TM7SF2: variants seen among roughly 807,000 people sequenced by gnomAD.
The protein encoded by TM7SF2 is transmembrane 7 superfamily member 2, also known as delta(14)-sterol reductase TM7SF2.
Under a neutral mutation model 51.0 loss-of-function variants are expected in TM7SF2, and 51 were observed. The observed-to-expected ratio is 1.00, with a 90% CI of 0.80 to 1.26. The LOEUF is 1.26. Ranked by LOEUF, TM7SF2 falls within the 50% of genes most tolerant of loss-of-function variation. The pLI is 0.00. For missense variants in TM7SF2, 541 were observed against 547.4 expected (o/e 0.99, Z 0.12); for synonymous variants, 255 against 241.0 (o/e 1.06, Z -0.54).
At position 65,113,395 on chromosome 11, in the gene TM7SF2, G is replaced by T. The variant is rs1490963723; in HGVS notation, c.480G>T (p.Leu160=). 6.2e-7 allele frequency: 1 copy of T among 1,614,076 alleles called. No individual in the cohort carries two copies. Among genetic ancestry groups the T allele is most frequent in the African/African-American group, 1.3e-5 (1 of 74,944 alleles). The change falls in exon 4 of 10, where the codon CTG becomes CTT. Residue 160 remains leucine, a synonymous_variant. Coordinates refer to ENST00000279263, the MANE Select transcript of TM7SF2 (RefSeq NM_003273.6). The part of the protein sequence containing the change: ...MKAQVAPVSA[L]APGGNSGNPI... ...CGCAGGTAGCCCCAGTTTCGGCCCT[G>T]GCACCTGGGGGGAACTCAGGTGAGA...
chr11:65,112,263 G>C, intron 1 of TM7SF2, 196 bp downstream of exon 1: 1 of 662,372 alleles, frequency 1.5e-6, no homozygotes, highest in Non-Finnish European at 2.5e-6. Flanking sequence ...GCTGCAGAAC[G>C]GGGATTTATG....
rs1947958927 is a variant in TM7SF2 at position 65,115,036 on chromosome 11, C to T, written c.847C>T (p.Gln283Ter). The change falls in exon 7 of 10, where the codon CAG (glutamine) becomes TAG (stop). Residue 283 changes from glutamine to a stop codon, truncating the protein, a stop_gained. Transcript: ENST00000279263. LOFTEE classifies it high-confidence loss of function. ...LQAQFLLHHPQPLGLPMASVI... is the reference protein window; with the variant it reads ...LQAQFLLHHP ...GGCCCAGTTCCTGCTGCACCACCCG[C>T]AGCCCCTGGGGTTGCCCATGGCCTC... 3.7e-6 allele frequency: 6 copies of T among 1,614,112 alleles called. No homozygotes were observed. Among genetic ancestry groups the T allele is most frequent in the Non-Finnish European group, 5.1e-6 (6 of 1,180,042 alleles).
At chr11:65,115,727 G>A (rs752527409) in intron 9 of TM7SF2, 129 bp downstream of exon 9, 7 of 1,573,002 alleles carry the variant, frequency 4.5e-6, no homozygotes, top group Non-Finnish European at 4.4e-6. Context: ...CCAGTGTGTG[G>A]CTGGGGCACA....
intron 1 of TM7SF2, 84 bp from the exon 2 acceptor site, chr11:65,112,431 G>C: frequency 7.3e-7 from 1 of 1,376,966 alleles, no homozygotes; most frequent in Admixed American, 2.9e-5. Flanking sequence ...AGAGGGTCCC[G>C]CAGAGACGTC....
intron 3 of TM7SF2, 95 bp downstream of exon 3, chr11:65,112,960 A>C: frequency 6.9e-7 from 1 of 1,450,046 alleles, no homozygotes; most frequent in Non-Finnish European, 9.4e-7. Context: ...CCCCCACCCC[A>C]GGCTCCTTTG....
At position 65,112,793 on chromosome 11, in the gene TM7SF2, G is replaced by GC. The variant is rs1947925942; in HGVS notation, c.250-13dup. Reference sequence around the variant, plus strand: ...AAAGGACGCCCCGGGCCTTATCAGAGCCCCCTTGGACCCGCAGGTGGCCGA... The same window carrying GC: ...AAAGGACGCCCCGGGCCTTATCAGAGCCCCCCTTGGACCCGCAGGTGGCCGA... On this transcript the variant is annotated splice_polypyrimidine_tract_variant and intron_variant, in intron 2 of 9. Coordinates refer to ENST00000279263, the MANE Select transcript of TM7SF2 (RefSeq NM_003273.6). The GC allele has an allele frequency of 6.5e-7, 1 of 1,550,336 alleles. No homozygotes were observed. The highest frequency in any genetic ancestry group is 8.7e-7 in the Non-Finnish European group (1 of 1,146,904).
chr11:65,112,667 T>G lies in TM7SF2; in HGVS notation c.205T>G (p.Trp69Gly). Residue 69 changes from tryptophan (W) to glycine (G), a missense_variant, in exon 2 of 10, where the codon TGG becomes GGG. Coordinates refer to ENST00000279263, the MANE Select transcript of TM7SF2 (RefSeq NM_003273.6). ...ACGGGCGCTGCTGCTGTGGCTCGCCTGGCTCGGCCTGCAGGCGGCGCTCTA... is the reference window on the plus strand; with the variant it reads ...ACGGGCGCTGCTGCTGTGGCTCGCCGGGCTCGGCCTGCAGGCGGCGCTCTA... ...SPRALLLWLA[W>G]LGLQAALYLL... 1 of 1,531,990 alleles carries G rather than the reference T, an allele frequency of 6.5e-7. No homozygotes were observed. Among genetic ancestry groups the G allele is most frequent in the Non-Finnish European group, 8.8e-7 (1 of 1,141,934 alleles). 94.9% of individuals were successfully genotyped at this position (1,531,990 alleles called of 1,614,324 possible). A position where few individuals can be genotyped will look rare whatever the true frequency, so the allele number is the denominator to read the frequency against.
At position 65,113,215 on chromosome 11, in the gene TM7SF2, T is replaced by C; in HGVS notation, c.305-5T>C. The C allele has an allele frequency of 6.3e-7, 1 of 1,593,554 alleles. No homozygotes were observed. The highest frequency in any genetic ancestry group is 2.2e-5 in the East Asian group (1 of 44,780). ...CCCCAGGGCTCACTGTGCGCTGTGG[T>C]TCAGGCTTCCAGGCCCTGGTGCTGA... On this transcript the variant is annotated splice_region_variant and splice_polypyrimidine_tract_variant and intron_variant, in intron 3 of 9. Coordinates refer to ENST00000279263, the MANE Select transcript of TM7SF2 (RefSeq NM_003273.6).
chr11:65,112,642 A>G lies in TM7SF2; in HGVS notation c.180A>G (p.Pro60=), dbSNP rs1020179938. 6 of 1,536,674 alleles carry G rather than the reference A, an allele frequency of 3.9e-6. No individual in the cohort carries two copies. The African/African-American group carries it at 5.5e-5, about 14-fold the overall frequency. ...SLPGLEVLWS[P]RALLLWLAWL... ...CGGGGCTGGAGGTGCTGTGGAGCCC[A>G]CGGGCGCTGCTGCTGTGGCTCGCCT... The change falls in exon 2 of 10, where the codon CCA becomes CCG. Residue 60 remains proline (P), a synonymous_variant. Coordinates refer to ENST00000279263, the MANE Select transcript of TM7SF2 (RefSeq NM_003273.6).
Position 65,112,009 on chromosome 11 carries a change from G to A in TM7SF2, c.-7G>A. 6.3e-7 allele frequency: 1 copy of A among 1,583,724 alleles called. No homozygotes were observed. Among genetic ancestry groups the A allele is most frequent in the Non-Finnish European group, 8.6e-7 (1 of 1,165,916 alleles). The stretch of plus-strand genomic sequence containing the variant: ...GAGCGCCCTCTCTCTCCGGCGGAGC[G>A]GAGACCATGGCCCCCACTCAGGGCC... On this transcript the variant is annotated 5_prime_UTR_variant, in exon 1 of 10. Transcript: ENST00000279263.
rs559864805 is a variant in TM7SF2, at chr11:65,115,139, GCT to G, written c.892+61_892+62del. ...TCTTCCCCCTATCCCTTTGATTCAT[GCT>G]CTGTTTACACGCACCACCACATAGG... On this transcript the variant is annotated intron_variant, in intron 7 of 9. Coordinates refer to ENST00000279263, the MANE Select transcript of TM7SF2 (RefSeq NM_003273.6). 7.4e-4 allele frequency: 1,191 copies of G among 1,602,346 alleles called. 4 individuals are homozygous for G. Among genetic ancestry groups the G allele is most frequent in the Non-Finnish European group, 7.6e-4 (887 of 1,173,998 alleles).
chr11:65,114,238 A>G (rs1947947852), intron 5 of TM7SF2, among the ~76,000 whole-genome samples: 1 of 152,222 alleles, frequency 6.6e-6, no homozygotes, highest in African/African-American at 2.4e-5. Context: ...GAAGATTAGA[A>G]GAGGTAATCT....
intron 5 of TM7SF2, among the ~76,000 whole-genome samples, chr11:65,114,284 G>A (rs918438763): frequency 6.9e-5 from 10 of 145,694 alleles, no homozygotes; most frequent in African/African-American, 1.3e-4. Flanking sequence ...AAATGCAGGC[G>A]CCCAGCACAG....
At chr11:65,115,754 G>C in intron 9 of TM7SF2, 139 bp from the exon 10 acceptor site, 1 of 1,565,518 alleles carries the variant, frequency 6.4e-7, no homozygotes, top group African/African-American at 1.3e-5. Context: ...TGCCAACCTA[G>C]TACCGTGTGC....
At position 65,114,784 on chromosome 11, in the gene TM7SF2, G is replaced by A; in HGVS notation, c.675G>A (p.Leu225=). Residue 225 remains leucine, a synonymous_variant, in exon 6 of 10, where the codon CTG becomes CTA. Coordinates refer to ENST00000279263, the MANE Select transcript of TM7SF2 (RefSeq NM_003273.6). ...GCAGTCCCTCACTGGCCATGTGGCTGGTCAATGGCTTCCAGTTGCTCTACG... is the reference window on the plus strand; with the variant it reads ...GCAGTCCCTCACTGGCCATGTGGCTAGTCAATGGCTTCCAGTTGCTCTACG... ...LRGSPSLAMW[L]VNGFQLLYVG... 6.2e-7 allele frequency: 1 copy of A among 1,614,254 alleles called. No homozygotes were observed. The highest frequency in any genetic ancestry group is 8.5e-7 in the Non-Finnish European group (1 of 1,180,044).
intron 2 of TM7SF2, 49 bp downstream of exon 2, chr11:65,112,760 G>C (rs1448735584): frequency 3.2e-6 from 5 of 1,549,390 alleles, no homozygotes; most frequent in Non-Finnish European, 4.4e-6. Context: ...GAATGGGCTC[G>C]GCGAGGGAAA....
At position 65,115,007 on chromosome 11, in the gene TM7SF2, T is replaced by C; in HGVS notation, c.818T>C (p.Leu273Pro). Residue 273 changes from leucine (L) to proline (P), a missense_variant, in exon 7 of 10, where the codon CTG becomes CCG. Coordinates refer to ENST00000279263, the MANE Select transcript of TM7SF2 (RefSeq NM_003273.6). ...DMAWVPFTYSLQAQFLLHHPQ... is the reference protein window; with the variant it reads ...DMAWVPFTYSPQAQFLLHHPQ... ...GCCTGGGTGCCCTTCACCTACAGCCTGCAGGCCCAGTTCCTGCTGCACCAC... is the reference window on the plus strand; with the variant it reads ...GCCTGGGTGCCCTTCACCTACAGCCCGCAGGCCCAGTTCCTGCTGCACCAC... 2 of 1,614,190 alleles carry C rather than the reference T, an allele frequency of 1.2e-6. No homozygotes were observed. The highest frequency in any genetic ancestry group is 1.7e-6 in the Non-Finnish European group (2 of 1,180,030).
rs948814150 is a variant in TM7SF2, at chr11:65,115,333, C to T, written c.912C>T (p.Phe304=). 6.2e-7 allele frequency: 1 copy of T among 1,614,170 alleles called. No individual in the cohort carries two copies. Among genetic ancestry groups the T allele is most frequent in the Non-Finnish European group, 8.5e-7 (1 of 1,180,032 alleles). Residue 304 remains phenylalanine, a synonymous_variant, in exon 8 of 10, where the codon TTC becomes TTT. Transcript: ENST00000279263. ...CLINATGYYI[F]RGANSQKNTF... is the part of the protein sequence containing the mutation. ...CACCAGCTACTGGTTACTACATCTT[C>T]CGTGGGGCGAATTCCCAGAAAAACA...
At chr11:65,115,771 G>T in intron 9 of TM7SF2, 122 bp from the exon 10 acceptor site, 1 of 1,575,936 alleles carries the variant, frequency 6.3e-7, no homozygotes, top group Non-Finnish European at 8.7e-7. Flanking sequence ...GTGCTTTGCT[G>T]CAGACCCTGG....
Sources: allele counts gnomAD v4.1 joint callset (sites outside exome capture counted in the v4.1 genomes callset), GRCh38; gene constraint gnomAD v4.1.1; transcripts MANE v1.5; gene names NCBI Gene and HGNC (gene_info 2026-07-23, HGNC 2026-07-21).